CWH43: variants seen among roughly 807,000 people sequenced by gnomAD.
The protein encoded by CWH43 is PGAP2-interacting protein.
CWH43 carries 91 observed loss-of-function variants against 85.7 expected under a neutral mutation model. The ratio of observed to expected loss-of-function variants is 1.06; its 90% CI spans 0.90 to 1.26. CWH43 has a LOEUF of 1.26. Among genes scored for constraint, CWH43 ranks in the 50% most tolerant of loss-of-function variants. CWH43 has a pLI of 0.00. For synonymous variants in CWH43, 323 were observed against 293.6 expected (o/e 1.10, Z -1.02); for missense variants, 869 against 839.2 (o/e 1.04, Z -0.44).
chr4:49,016,010 AG>A (rs1783530507), intron 8 of CWH43, among the ~76,000 whole-genome samples: 1 of 152,124 alleles, frequency 6.6e-6, no homozygotes, highest in Admixed American at 6.5e-5. Flanking sequence ...TTGATTCTGC[AG>A]GGTGTTTTTT....
intron 15 of CWH43, among the ~76,000 whole-genome samples, chr4:49,058,639 A>G (rs1002962321): frequency 1.3e-5 from 2 of 152,214 alleles, no homozygotes; most frequent in African/African-American, 2.4e-5. Context: ...AGCATTTCTC[A>G]TAAAGTGCAT....
chr4:49,045,481 TA>T (rs1285716895), intron 14 of CWH43, among the ~76,000 whole-genome samples: 1 of 152,220 alleles, frequency 6.6e-6, no homozygotes, highest in Non-Finnish European at 1.5e-5. Flanking sequence ...GATAAGATTA[TA>T]ATATCATACT....
intron 9 of CWH43, among the ~76,000 whole-genome samples, chr4:49,019,198 A>G (rs186045189): frequency 1.4e-4 from 21 of 152,338 alleles, no homozygotes; most frequent in African/African-American, 3.8e-4. Context: ...GAGAACAAAT[A>G]AAGAAATGGT....
chr4:49,037,437 G>C (rs1784293371), intron 12 of CWH43, among the ~76,000 whole-genome samples: 1 of 152,204 alleles, frequency 6.6e-6, no homozygotes, highest in Non-Finnish European at 1.5e-5. Flanking sequence ...GGGCATGGTA[G>C]TGTGCACCTG....
At chr4:49,056,223 T>C (rs2109848403) in intron 15 of CWH43, among the ~76,000 whole-genome samples, 1 of 152,092 alleles carries the variant, frequency 6.6e-6, no homozygotes, top group Middle Eastern at 3.4e-3. Context: ...ATTTCATCCA[T>C]GTCCCTACAA....
chr4:49,022,082 AC>A (rs1783766165), intron 9 of CWH43, among the ~76,000 whole-genome samples: 1 of 152,080 alleles, frequency 6.6e-6, no homozygotes, highest in African/African-American at 2.4e-5. Context: ...AACTTTCAGT[AC>A]TATGTTGAAT....
At chr4:49,057,433 G>T (rs1351416541) in intron 15 of CWH43, among the ~76,000 whole-genome samples, 2 of 152,198 alleles carry the variant, frequency 1.3e-5, no homozygotes, top group African/African-American at 4.8e-5. Context: ...CAGTAAATAT[G>T]CATTTATCTC....
chr4:49,037,558 A>T (rs1784297605), intron 12 of CWH43, among the ~76,000 whole-genome samples: 1 of 138,920 alleles, frequency 7.2e-6, no homozygotes, highest in East Asian at 2.0e-4. Context: ...TGTCAGTGTG[A>T]GACTCTGTCT....
chr4:49,005,397 A>G (rs1201102332), intron 7 of CWH43, among the ~76,000 whole-genome samples: 1 of 151,884 alleles, frequency 6.6e-6, no homozygotes, highest in African/African-American at 2.4e-5. Flanking sequence ...TACCACTCCC[A>G]GCTGCTGAAA....
intron 8 of CWH43, among the ~76,000 whole-genome samples, chr4:49,009,181 G>A (rs1783267856): frequency 6.6e-6 from 1 of 152,024 alleles, no homozygotes; most frequent in East Asian, 1.9e-4. Flanking sequence ...TCCTTGAAGA[G>A]GTCCTTCACA....
chr4:49,009,038 G>A (rs1434264138), intron 8 of CWH43, among the ~76,000 whole-genome samples: 3 of 152,074 alleles, frequency 2.0e-5, no homozygotes. Flanking sequence ...TGATGGGGAT[G>A]GCATTTAATC....
At chr4:48,986,953 G>C (rs977222825) in intron 1 of CWH43, among the ~76,000 whole-genome samples, 2 of 152,206 alleles carry the variant, frequency 1.3e-5, no homozygotes, top group Non-Finnish European at 2.9e-5. Flanking sequence ...AAGTGGCCTT[G>C]GTGTCGGCTG....
rs1783390348 is a variant in CWH43, at chr4:49,012,282, C to T, written c.1186+4956C>T. On this transcript the variant is annotated intron_variant, in intron 8 of 15. Coordinates refer to ENST00000226432, the MANE Select transcript of CWH43 (RefSeq NM_025087.3). ...ATCAAATCAGCTATTGAAGCTTGTGCATGAATCACGAAGTTCTTGTGCCAT... is the reference window on the plus strand; with the variant it reads ...ATCAAATCAGCTATTGAAGCTTGTGTATGAATCACGAAGTTCTTGTGCCAT... Among the ~76,000 whole-genome samples the T allele has an allele frequency of 2.6e-5, 4 of 152,296 alleles. 1 individual carries two copies. The South Asian group carries it at 8.3e-4, about 32-fold the overall frequency.
intron 8 of CWH43, among the ~76,000 whole-genome samples, chr4:49,015,125 A>G (rs2109780290): frequency 6.6e-6 from 1 of 152,140 alleles, no homozygotes; most frequent in South Asian, 2.1e-4. Context: ...TTGTCTTTTA[A>G]GGGTTTAATC....
At chr4:49,012,997 G>A (rs554237357) in intron 8 of CWH43, among the ~76,000 whole-genome samples, 158 of 152,304 alleles carry the variant, frequency 1.0e-3, no homozygotes, top group African/African-American at 3.6e-3. Context: ...CTCAAATGCC[G>A]TGCTGGGAGA....
intron 15 of CWH43, among the ~76,000 whole-genome samples, chr4:49,059,888 C>G (rs536406198): frequency 6.6e-6 from 1 of 152,148 alleles, no homozygotes; most frequent in East Asian, 1.9e-4. Flanking sequence ...GCAGGAGCCA[C>G]CCTGGTGCTG....
At chr4:49,053,162 G>A (rs1042959961) in intron 15 of CWH43, among the ~76,000 whole-genome samples, 1 of 152,090 alleles carries the variant, frequency 6.6e-6, no homozygotes, top group African/African-American at 2.4e-5. Flanking sequence ...GTATGTTTGT[G>A]TATAGCTGCA....
chr4:49,049,581 T>C (rs1179063143), intron 14 of CWH43, among the ~76,000 whole-genome samples: 1 of 151,892 alleles, frequency 6.6e-6, no homozygotes, highest in Non-Finnish European at 1.5e-5. Flanking sequence ...GAGGTCTTCA[T>C]AGTGGCCTGT....
chr4:49,028,758 C>T (rs766932497), intron 10 of CWH43, 24 bp downstream of exon 10: 1 of 1,461,756 alleles, frequency 6.8e-7, no homozygotes, highest in East Asian at 2.3e-5. Context: ...GAATTAGTTC[C>T]AGGTTTTGAG....
Sources: gnomAD v4.1 joint callset for allele counts (sites outside exome capture counted in the v4.1 genomes callset) on GRCh38, gnomAD v4.1.1 for gene constraint, MANE v1.5 for transcripts, NCBI Gene and HGNC (gene_info 2026-07-23, HGNC 2026-07-21) for gene names.